CSMD3: variants seen among roughly 807,000 people sequenced by gnomAD.
CSMD3 encodes the protein CUB and sushi domain-containing protein 3.
In CSMD3, 177 loss-of-function variants were observed where a neutral mutation model predicts 435.2. The observed-to-expected ratio is 0.41, with a 90% confidence interval of 0.36 to 0.46. CSMD3 has a LOEUF of 0.46. Ranked by LOEUF, CSMD3 falls within the 20% of genes least tolerant of loss-of-function variation. The pLI is 0.34. For synonymous variants in CSMD3, 1,656 were observed against 1,520.5 expected, an observed-to-expected ratio of 1.09 and a Z score of -2.07; for missense variants, 4,265 against 4,504.6, an observed-to-expected ratio of 0.95 and a Z score of 1.52.
chr8:112,794,074 C>A (rs1456855079), intron 13 of CSMD3, among the ~76,000 whole-genome samples: 1 of 151,958 alleles, frequency 6.6e-6, no homozygotes, highest in African/African-American at 2.4e-5. Context: ...TCAGGAACTG[C>A]TAAATTTAGG....
chr8:113,010,265 C>T (rs2086208047), intron 6 of CSMD3, among the ~76,000 whole-genome samples: 1 of 151,654 alleles, frequency 6.6e-6, no homozygotes, highest in South Asian at 2.1e-4. Context: ...ACTTTTAAGA[C>T]TCATGGGCTA....
intron 32 of CSMD3, among the ~76,000 whole-genome samples, chr8:112,418,868 A>C (rs1023268126): frequency 2.0e-5 from 3 of 152,202 alleles, no homozygotes; most frequent in African/African-American, 7.2e-5. Flanking sequence ...TTCACACCCA[A>C]TGTCATGTGA....
intron 68 of CSMD3, among the ~76,000 whole-genome samples, chr8:112,232,164 G>T (rs551657988): frequency 3.3e-5 from 5 of 152,282 alleles, no homozygotes; most frequent in Non-Finnish European, 7.3e-5. Context: ...AGCCACAAAA[G>T]GCCACATACT....
chr8:113,236,372 C>T (rs2093149444), intron 3 of CSMD3, among the ~76,000 whole-genome samples: 1 of 152,154 alleles, frequency 6.6e-6, no homozygotes, highest in Non-Finnish European at 1.5e-5. Flanking sequence ...TTTGCTTACT[C>T]TTACTTTGGA....
At chr8:113,122,134 G>A (rs1455890340) in intron 4 of CSMD3, among the ~76,000 whole-genome samples, 1 of 152,066 alleles carries the variant, frequency 6.6e-6, no homozygotes, top group Non-Finnish European at 1.5e-5. Context: ...AAAGTCTACA[G>A]GAACATAGCT....
chr8:112,504,074 C>T, intron 29 of CSMD3, 97 bp from the exon 30 acceptor site: 2 of 735,722 alleles, frequency 2.7e-6, no homozygotes, highest in Non-Finnish European at 4.4e-6. Flanking sequence ...AACATTAATT[C>T]AGTGCTTAAA....
intron 13 of CSMD3, among the ~76,000 whole-genome samples, chr8:112,785,389 A>AATACCAGAAATT (rs1278222781): frequency 1.3e-5 from 2 of 152,162 alleles, no homozygotes; most frequent in Admixed American, 6.6e-5. Context: ...TATTCAACAT[A>AATACCAGAAATT]GTACCAGAAA....
chr8:112,577,232 A>G (rs1830013335), intron 23 of CSMD3, among the ~76,000 whole-genome samples: 1 of 152,138 alleles, frequency 6.6e-6, no homozygotes, highest in Non-Finnish European at 1.5e-5. Context: ...AAATCCTTCA[A>G]ATTTAGTCAA....
chr8:112,620,543 A>T (rs1183737547), intron 22 of CSMD3, among the ~76,000 whole-genome samples: 2 of 152,090 alleles, frequency 1.3e-5, no homozygotes, highest in African/African-American at 4.8e-5. Flanking sequence ...CGATTTTCTG[A>T]AAGTGTCACA....
chr8:112,773,062 T>C (rs1329676901), intron 13 of CSMD3, among the ~76,000 whole-genome samples: 2 of 151,964 alleles, frequency 1.3e-5, no homozygotes, highest in Non-Finnish European at 2.9e-5. Context: ...CTCTATACTT[T>C]GTCTCTGTGT....
In CSMD3 at chr8:112,950,914, T is replaced by C. The variant is rs75871688; in HGVS notation, c.1421-3037A>G. Among the ~76,000 whole-genome samples, 1,002 of 152,026 alleles carry C rather than the reference T, an allele frequency of 6.6e-3. 12 individuals carry two copies. The highest frequency in any genetic ancestry group is 0.023 in the African/African-American group (961 of 41,544). On this transcript the variant is annotated intron_variant, in intron 8 of 70. Coordinates refer to ENST00000297405, the MANE Select transcript of CSMD3 (RefSeq NM_198123.2). ...TGTGTATAATTTCACCACTTTCACCTAATTAATCCCAGTTCTTATTATTTT... is the reference window on the plus strand; with the variant it reads ...TGTGTATAATTTCACCACTTTCACCCAATTAATCCCAGTTCTTATTATTTT...
chr8:112,511,036 G>T (rs778539664), intron 28 of CSMD3, among the ~76,000 whole-genome samples: 6 of 152,066 alleles, frequency 3.9e-5, no homozygotes, highest in Non-Finnish European at 8.8e-5. Flanking sequence ...TAGCAAATGC[G>T]TATACAGGCA....
chr8:112,363,561 A>G (rs1197192018), intron 38 of CSMD3, among the ~76,000 whole-genome samples: 1 of 152,014 alleles, frequency 6.6e-6, no homozygotes, highest in African/African-American at 2.4e-5. Flanking sequence ...CCTGGGTACC[A>G]GGACCAGTGT....
At chr8:113,013,656 C>A (rs2086342132) in intron 6 of CSMD3, among the ~76,000 whole-genome samples, 1 of 152,020 alleles carries the variant, frequency 6.6e-6, no homozygotes, top group South Asian at 2.1e-4. Flanking sequence ...TTTGGAGGAT[C>A]TAGATAGCTA....
At chr8:112,400,566 TG>T (rs1831237104) in intron 35 of CSMD3, among the ~76,000 whole-genome samples, 1 of 152,150 alleles carries the variant, frequency 6.6e-6, no homozygotes, top group Non-Finnish European at 1.5e-5. Context: ...TGTGGGTTCC[TG>T]GGTACCCACA....
rs2094110614 is a variant in CSMD3 at position 113,340,452 on chromosome 8, C to A, written c.179-25659G>T. 1.3e-5 allele frequency among the ~76,000 whole-genome samples: 2 copies of A among 152,104 alleles called. 1 individual carries two copies. The highest frequency in any genetic ancestry group is 4.1e-4 in the South Asian group (2 of 4,834). ...ATACTTATTCATTAATCATTACAGT[C>A]TTTCCATGTAGACTTATATTGTGCC... is the stretch of plus-strand genomic sequence containing the variant. On this transcript the variant is annotated intron_variant, in intron 1 of 70. Transcript: ENST00000297405.
intron 1 of CSMD3, among the ~76,000 whole-genome samples, chr8:113,344,635 CCAA>C (rs751428496): frequency 1.3e-5 from 2 of 152,032 alleles, no homozygotes; most frequent in Non-Finnish European, 2.9e-5. Context: ...GGGCATCATA[CCAA>C]CAACAAGTAT....
chr8:112,416,313 G>A (rs1300945108), intron 32 of CSMD3, among the ~76,000 whole-genome samples: 1 of 152,158 alleles, frequency 6.6e-6, no homozygotes, highest in African/African-American at 2.4e-5. Context: ...CTGCCACCCT[G>A]TGAAGAAAGT....
chr8:113,215,088 G>A (rs1024615206), intron 3 of CSMD3, among the ~76,000 whole-genome samples: 66 of 151,878 alleles, frequency 4.3e-4, no homozygotes, highest in African/African-American at 1.4e-3. Flanking sequence ...TCATATATTC[G>A]TAATAAAATA....
Sources: allele counts gnomAD v4.1 joint callset (sites outside exome capture counted in the v4.1 genomes callset), GRCh38; gene constraint gnomAD v4.1.1; transcripts MANE v1.5; gene names NCBI Gene and HGNC (gene_info 2026-07-23, HGNC 2026-07-21).